Variants in CERT1 observed in about 807,000 individuals in gnomAD.
CERT1 encodes the protein ceramide transporter 1, also known as ceramide transfer protein.
CERT1 carries 31 observed loss-of-function variants against 87.9 expected under a neutral mutation model. The ratio of observed to expected loss-of-function variants is 0.35; its 90% CI spans 0.27 to 0.48. The LOEUF (loss-of-function observed/expected upper bound fraction) is 0.48, where lower values mean the gene tolerates loss of function less well. CERT1 is among the 20% of genes least tolerant of loss of function. The pLI is 0.99. For synonymous variants in CERT1, 289 were observed against 250.9 expected, an observed-to-expected ratio of 1.15 and a Z score of -1.44; for missense variants, 487 against 758.0, an observed-to-expected ratio of 0.64 and a Z score of 4.20.
intron 3 of CERT1, among the ~76,000 whole-genome samples, chr5:75,451,270 C>CT: frequency 6.6e-6 from 1 of 152,140 alleles, no homozygotes; most frequent in Non-Finnish European, 1.5e-5. Context: ...ATTTTAATGA[C>CT]TGAAACATCC....
chr5:75,419,492 A>C (rs1763282561), intron 5 of CERT1, 68 bp from the exon 6 acceptor site: 1 of 1,045,278 alleles, frequency 9.6e-7, no homozygotes, highest in African/African-American at 1.6e-5. Context: ...TCTTATGTTC[A>C]ACTGAGTCAT....
At chr5:75,504,916 A>G (rs983888717) in intron 2 of CERT1, among the ~76,000 whole-genome samples, 2 of 152,184 alleles carry the variant, frequency 1.3e-5, no homozygotes, top group African/African-American at 4.8e-5. Context: ...TATAGTTCTT[A>G]CATATCTTAA....
chr5:75,468,496 G>C (rs534026476), intron 2 of CERT1, among the ~76,000 whole-genome samples: 1 of 152,184 alleles, frequency 6.6e-6, no homozygotes, highest in South Asian at 2.1e-4. Context: ...TGGTATCTGT[G>C]AACTGAATCT....
chr5:75,511,490 A>T lies in CERT1; in HGVS notation c.-283T>A. 1 of 1,498,700 alleles carries T rather than the reference A, an allele frequency of 6.7e-7. No homozygotes were observed. 92.8% of individuals were successfully genotyped at this position (1,498,700 alleles called of 1,614,324 possible). ...CCCCTGCGTTGCGCCCGGCGCTGCC[A>T]CCCGAACTTAGCCCCCTCGATGCCA... On this transcript the variant is annotated 5_prime_UTR_variant, in exon 1 of 17. Transcript: ENST00000643780.
At position 75,381,136 on chromosome 5, in the gene CERT1, T is replaced by C; in HGVS notation, c.1683A>G (p.Pro561=). 1 of 1,614,154 alleles carries C rather than the reference T, an allele frequency of 6.2e-7. No individual in the cohort carries two copies. The highest frequency in any genetic ancestry group is 8.5e-7 in the Non-Finnish European group (1 of 1,179,986). Residue 561 remains proline, a synonymous_variant, in exon 16 of 17, where the codon CCA becomes CCG. Transcript: ENST00000643780. ...VAMICQTLVS[P]PEGNQEISRD... ...TGCTAATTTCCTGGTTTCCCTCTGGTGGGCTTACCAAGGTTTGACAAATCA... is the reference window on the plus strand; with the variant it reads ...TGCTAATTTCCTGGTTTCCCTCTGGCGGGCTTACCAAGGTTTGACAAATCA...
chr5:75,397,771 A>G (rs1762315442), intron 11 of CERT1, among the ~76,000 whole-genome samples: 1 of 152,224 alleles, frequency 6.6e-6, no homozygotes, highest in Non-Finnish European at 1.5e-5. Flanking sequence ...CTGTAATCCC[A>G]GCACTTTGGG....
At chr5:75,403,135 G>C in intron 8 of CERT1, 77 bp from the exon 9 acceptor site, 1 of 969,700 alleles carries the variant, frequency 1.0e-6, no homozygotes. Context: ...GTATTAACTT[G>C]AGTTTGAAAA....
In CERT1 at chr5:75,459,747, G is replaced by A. The variant is rs181249084; in HGVS notation, c.232-566C>T. 4.2e-3 allele frequency among the ~76,000 whole-genome samples: 635 copies of A among 152,144 alleles called. 6 individuals carry two copies. Among genetic ancestry groups the A allele is most frequent in the Non-Finnish European group, 6.5e-3 (442 of 67,986 alleles). ...TGGAAGGCCAAGGCAGGTGGGTCACGAGGTCAGGAGTTCAAGACCAGCCTG... is the reference window on the plus strand; with the variant it reads ...TGGAAGGCCAAGGCAGGTGGGTCACAAGGTCAGGAGTTCAAGACCAGCCTG... On this transcript the variant is annotated intron_variant, in intron 2 of 16. Transcript: ENST00000643780.
downstream of CERT1, chr5:75,376,977 T>G (rs1761341919): frequency 6.6e-6 from 1 of 152,254 alleles, no homozygotes; most frequent in African/African-American, 2.4e-5. Flanking sequence ...AATATACATT[T>G]CTCAGTCAAT....
At chr5:75,415,793 C>T (rs1376741981) in intron 7 of CERT1, among the ~76,000 whole-genome samples, 2 of 151,270 alleles carry the variant, frequency 1.3e-5, no homozygotes, top group African/African-American at 4.9e-5. Flanking sequence ...AGGGACTCTT[C>T]TAATAATTCA....
At chr5:75,479,971 A>G (rs1561292569) in intron 2 of CERT1, among the ~76,000 whole-genome samples, 1 of 152,102 alleles carries the variant, frequency 6.6e-6, no homozygotes, top group African/African-American at 2.4e-5. Context: ...TTGACTTTTT[A>G]ATAATAGCCA....
At chr5:75,393,381 A>G (rs186694230) in intron 11 of CERT1, among the ~76,000 whole-genome samples, 2 of 151,930 alleles carry the variant, frequency 1.3e-5, no homozygotes, top group Admixed American at 6.6e-5. Context: ...TCCATCTCAC[A>G]TTTGAATCAC....
At chr5:75,385,368 G>A (rs549447111) in intron 13 of CERT1, among the ~76,000 whole-genome samples, 1 of 152,340 alleles carries the variant, frequency 6.6e-6, no homozygotes, top group South Asian at 2.1e-4. Context: ...AGTTACTTGG[G>A]AGGCTGAGGC....
chr5:75,497,352 T>C (rs1767124072), intron 2 of CERT1, among the ~76,000 whole-genome samples: 1 of 152,234 alleles, frequency 6.6e-6, no homozygotes, highest in South Asian at 2.1e-4. Context: ...AGTACTTTTA[T>C]ATGTTATTTC....
intron 12 of CERT1, among the ~76,000 whole-genome samples, chr5:75,387,023 A>T (rs952722444): frequency 9.2e-5 from 14 of 151,980 alleles, no homozygotes; most frequent in African/African-American, 3.4e-4. Flanking sequence ...GCCTGCCACT[A>T]CGCCCAGCTA....
chr5:75,403,202 C>T, intron 8 of CERT1, 144 bp from the exon 9 acceptor site: 1 of 616,304 alleles, frequency 1.6e-6, no homozygotes, highest in Non-Finnish European at 2.9e-6. Context: ...TATACTAGAT[C>T]ATATGCATGC....
intron 3 of CERT1, among the ~76,000 whole-genome samples, chr5:75,451,634 T>C (rs1764773156): frequency 6.6e-6 from 1 of 152,214 alleles, no homozygotes; most frequent in Non-Finnish European, 1.5e-5. Context: ...CAGATAAGTA[T>C]AGAGAGGGTA....
At chr5:75,456,379 G>C (rs548452696) in intron 3 of CERT1, among the ~76,000 whole-genome samples, 1 of 152,094 alleles carries the variant, frequency 6.6e-6, no homozygotes. Context: ...TTAAAAATAA[G>C]AAAGGGTGGC....
chr5:75,400,032 T>A (rs764439984), intron 10 of CERT1, among the ~76,000 whole-genome samples, 173 bp downstream of exon 10: 2 of 152,078 alleles, frequency 1.3e-5, no homozygotes, highest in Non-Finnish European at 2.9e-5. Flanking sequence ...CCAGGGAGGC[T>A]GAGGCACGAG....
Sources: gnomAD v4.1 joint callset for allele counts (sites outside exome capture counted in the v4.1 genomes callset) on GRCh38, gnomAD v4.1.1 for gene constraint, MANE v1.5 for transcripts, NCBI Gene and HGNC (gene_info 2026-07-23, HGNC 2026-07-21) for gene names.